TFDP2: variants seen among roughly 807,000 people sequenced by gnomAD.
The protein encoded by TFDP2 is transcription factor Dp-2 (E2F dimerization partner 2).
A neutral mutation model predicts 59.3 loss-of-function variants in TFDP2; 17 were observed. The observed-to-expected ratio is 0.29, with a 90% CI of 0.20 to 0.43. The LOEUF is 0.43. TFDP2 is among the 20% of genes least tolerant of loss of function. The pLI, the probability that TFDP2 is intolerant of heterozygous loss-of-function variation, is 1.00. For missense variants in TFDP2, 391 were observed against 528.8 expected, an observed-to-expected ratio of 0.74 and a Z score of 2.56; for synonymous variants, 180 against 194.7, an observed-to-expected ratio of 0.92 and a Z score of 0.63.
Position 141,946,018 on chromosome 3 carries a change from G to C in TFDP2, c.*6495C>G, listed in dbSNP as rs1034186411. 6.6e-6 allele frequency: 1 copy of C among 152,208 alleles called. No individual in the cohort carries two copies. The highest frequency in any genetic ancestry group is 1.9e-4 in the East Asian group (1 of 5,184). The allele number at this position is 152,208 out of a possible 1,614,324, so 9.4% of individuals were successfully genotyped here. A position where few individuals can be genotyped will look rare whatever the true frequency, so the allele number is the denominator to read the frequency against. Reference sequence around the variant, plus strand: ...ACACCACAGCCTCATGCTGGGGCTCGGGAAAGGAGTCCCACTTCTACCCCT... The same window carrying C: ...ACACCACAGCCTCATGCTGGGGCTCCGGAAAGGAGTCCCACTTCTACCCCT... On this transcript the variant is annotated 3_prime_UTR_variant, in exon 13 of 13. Coordinates refer to ENST00000489671, the MANE Select transcript of TFDP2 (RefSeq NM_001178139.2).
At chr3:141,997,833 G>C (rs1313812816) in intron 4 of TFDP2, among the ~76,000 whole-genome samples, 2 of 109,352 alleles carry the variant, frequency 1.8e-5, no homozygotes, top group African/African-American at 7.5e-5. Flanking sequence ...CTGGGCGACA[G>C]AGTGAGACTC....
chr3:142,068,075 C>G (rs367616935), intron 3 of TFDP2, among the ~76,000 whole-genome samples: 1 of 147,654 alleles, frequency 6.8e-6, no homozygotes, highest in Non-Finnish European at 1.5e-5. Context: ...GGCAAAAGAA[C>G]GGCAAAATAG....
chr3:142,064,702 T>C (rs1463940952), intron 3 of TFDP2, among the ~76,000 whole-genome samples: 1 of 152,162 alleles, frequency 6.6e-6, no homozygotes, highest in African/African-American at 2.4e-5. Flanking sequence ...CAAGTGTCAC[T>C]GGATGTTATC....
At chr3:142,070,957 T>A (rs915117195) in intron 3 of TFDP2, among the ~76,000 whole-genome samples, 2 of 152,118 alleles carry the variant, frequency 1.3e-5, no homozygotes, top group Admixed American at 1.3e-4. Context: ...AGGAATTAGC[T>A]AGGTGATATG....
chr3:142,124,451 A>G (rs1043943994), intron 1 of TFDP2, among the ~76,000 whole-genome samples: 6 of 152,210 alleles, frequency 3.9e-5, no homozygotes, highest in African/African-American at 1.4e-4. Flanking sequence ...GACACTTCAA[A>G]TCAGTGAGGT....
chr3:142,003,661 G>A (rs1276714281), intron 4 of TFDP2, among the ~76,000 whole-genome samples: 1 of 152,188 alleles, frequency 6.6e-6, no homozygotes, highest in Non-Finnish European at 1.5e-5. Flanking sequence ...AAGGACCTCA[G>A]AAGTAGGGGG....
intron 6 of TFDP2, chr3:141,989,284 T>C (rs1942481858): frequency 6.6e-6 from 1 of 152,238 alleles, no homozygotes; most frequent in Admixed American, 6.5e-5. Flanking sequence ...CCCCCACTTG[T>C]GGAGGGCTAA....
At chr3:142,098,468 C>G (rs567887457) in intron 2 of TFDP2, among the ~76,000 whole-genome samples, 3 of 151,954 alleles carry the variant, frequency 2.0e-5, no homozygotes, top group African/African-American at 7.2e-5. Flanking sequence ...TCCTACATCT[C>G]ATGTAGTTCT....
intron 3 of TFDP2, among the ~76,000 whole-genome samples, chr3:142,057,364 A>G (rs1046560400): frequency 6.6e-6 from 1 of 152,262 alleles, no homozygotes; most frequent in African/African-American, 2.4e-5. Flanking sequence ...AAAATAATAA[A>G]GAAAATTAGC....
At chr3:142,098,490 T>C (rs1291848327) in intron 2 of TFDP2, among the ~76,000 whole-genome samples, 1 of 151,968 alleles carries the variant, frequency 6.6e-6, no homozygotes, top group African/African-American at 2.4e-5. Flanking sequence ...GTAAGACAAT[T>C]AATCTTAGAG....
intron 3 of TFDP2, among the ~76,000 whole-genome samples, chr3:142,010,419 G>T (rs1361295077): frequency 2.0e-5 from 3 of 152,052 alleles, no homozygotes; most frequent in Non-Finnish European, 4.4e-5. Flanking sequence ...CACCAGCTTG[G>T]CCAACATGGT....
chr3:142,022,713 G>A (rs1945711863), intron 3 of TFDP2, among the ~76,000 whole-genome samples: 1 of 152,186 alleles, frequency 6.6e-6, no homozygotes, highest in Non-Finnish European at 1.5e-5. Context: ...CACAGTCCGA[G>A]AGGGTAGCCA....
intron 10 of TFDP2, among the ~76,000 whole-genome samples, chr3:141,963,090 T>C (rs972407455): frequency 1.3e-5 from 2 of 152,154 alleles, no homozygotes; most frequent in African/African-American, 2.4e-5. Flanking sequence ...GGGGGAGCCA[T>C]AAGCGGTACA....
At chr3:142,088,391 C>A (rs972093227) in intron 3 of TFDP2, among the ~76,000 whole-genome samples, 1 of 149,826 alleles carries the variant, frequency 6.7e-6, no homozygotes, top group Admixed American at 6.7e-5. Flanking sequence ...AGTGCGGTGG[C>A]GTGATCTTGA....
At position 141,958,575 on chromosome 3, in the gene TFDP2, C is replaced by T. The variant is rs186483877; in HGVS notation, c.1051+1099G>A. Among the ~76,000 whole-genome samples the T allele has an allele frequency of 2.9e-4, 44 of 152,260 alleles. No individual in the cohort carries two copies. The Middle Eastern group carries it at 0.017, about 59-fold the overall frequency. Reference sequence around the variant, plus strand: ...GCACAGAGCCTGGGGCAGGGGCATGCAGTGGACTGGAACAGTAATGTGCTT... The same window carrying T: ...GCACAGAGCCTGGGGCAGGGGCATGTAGTGGACTGGAACAGTAATGTGCTT... On this transcript the variant is annotated intron_variant, in intron 11 of 12. Transcript: ENST00000489671.
chr3:142,136,737 T>C (rs1378390472), intron 1 of TFDP2, among the ~76,000 whole-genome samples: 1 of 151,232 alleles, frequency 6.6e-6, no homozygotes, highest in African/African-American at 2.4e-5. Context: ...TTGTAAATGT[T>C]CTGTTCTATT....
intron 11 of TFDP2, among the ~76,000 whole-genome samples, chr3:141,955,903 G>A (rs1936556216): frequency 2.0e-5 from 3 of 152,130 alleles, no homozygotes; most frequent in Admixed American, 6.5e-5. Context: ...TGCCTCCCAG[G>A]TTCAAGTGAT....
rs553706087 is a variant in TFDP2, at chr3:142,022,159, A to C, written c.83-16615T>G. ...AATCCTTCCCGGCAGTTCTTCCCAA[A>C]TATGAGTGATCACAAGATTCACTAC... On this transcript the variant is annotated intron_variant, in intron 3 of 12. Transcript: ENST00000489671. Among the ~76,000 whole-genome samples, 14 of 152,288 alleles carry C rather than the reference A, an allele frequency of 9.2e-5. 1 individual carries two copies. In the East Asian group the frequency reaches 2.7e-3, roughly 29 times the overall value.
chr3:141,988,956 C>G (rs1272131225), intron 6 of TFDP2: 2 of 152,222 alleles, frequency 1.3e-5, no homozygotes, highest in Non-Finnish European at 2.9e-5. Flanking sequence ...GGCTGGCAAT[C>G]ATGTTTTAAA....
Sources: allele counts gnomAD v4.1 joint callset (sites outside exome capture counted in the v4.1 genomes callset), GRCh38; gene constraint gnomAD v4.1.1; transcripts MANE v1.5; gene names NCBI Gene and HGNC (gene_info 2026-07-23, HGNC 2026-07-21).